The following CLDN10 variants were observed in gnomAD, a reference collection of about 807,000 sequenced individuals.
The protein encoded by CLDN10 is claudin 10, also known as claudin-10.
A neutral mutation model predicts 22.9 loss-of-function variants in CLDN10; 15 were observed. The observed-to-expected ratio is 0.65, with a 90% confidence interval of 0.44 to 1.01. CLDN10 has a LOEUF of 1.01. Among genes scored for constraint, CLDN10 ranks in the 50% least tolerant of loss-of-function variants. CLDN10 has a pLI of 0.00. For missense variants in CLDN10, 247 were observed against 287.8 expected (o/e 0.86, Z 1.03); for synonymous variants, 114 against 111.4 (o/e 1.02, Z -0.15).
At chr13:95,474,817 G>C (rs2042669353) in intron 1 of CLDN10, among the ~76,000 whole-genome samples, 1 of 152,164 alleles carries the variant, frequency 6.6e-6, no homozygotes. Context: ...TCATTCCAGG[G>C]GGTAGGGTGG....
chr13:95,529,467 G>C (rs1169191962), intron 1 of CLDN10, among the ~76,000 whole-genome samples: 1 of 152,078 alleles, frequency 6.6e-6, no homozygotes, highest in African/African-American at 2.4e-5. Flanking sequence ...TTATTAATAT[G>C]TTATTTTTTT....
Position 95,496,668 on chromosome 13 carries a change from G to A in CLDN10, c.214+62621G>A, listed in dbSNP as rs557316488. 5.1e-4 allele frequency among the ~76,000 whole-genome samples: 78 copies of A among 152,264 alleles called. No homozygotes were observed. In the South Asian group the frequency reaches 0.01, roughly 20 times the overall value. On this transcript the variant is annotated intron_variant, in intron 1 of 4. Coordinates refer to the CLDN10 transcript ENST00000376873. ...ACTGTGTGCTCATGTTCTGGAGAGTGACCCAGCCCTTGTCTCTTCCTCTTC... is the reference window on the plus strand; with the variant it reads ...ACTGTGTGCTCATGTTCTGGAGAGTAACCCAGCCCTTGTCTCTTCCTCTTC...
chr13:95,449,978 T>C (rs924300622), intron 1 of CLDN10, among the ~76,000 whole-genome samples: 6 of 151,632 alleles, frequency 4.0e-5, no homozygotes, highest in Admixed American at 3.3e-4. Flanking sequence ...CCCCTGACCT[T>C]GTGATCCGCC....
intron 1 of CLDN10, among the ~76,000 whole-genome samples, chr13:95,473,683 C>T (rs1164390209): frequency 6.6e-6 from 1 of 152,216 alleles, no homozygotes; most frequent in African/African-American, 2.4e-5. Flanking sequence ...GTGCCGTCCC[C>T]AGAGCTCTGA....
intron 1 of CLDN10, chr13:95,479,927 C>T (rs1337171322): frequency 2.6e-5 from 4 of 152,224 alleles, no homozygotes; most frequent in Non-Finnish European, 5.9e-5. Context: ...TCCAAGCTCC[C>T]CTAGTTCCTC....
chr13:95,474,468 G>A (rs570039947), intron 1 of CLDN10, among the ~76,000 whole-genome samples: 26 of 152,046 alleles, frequency 1.7e-4, no homozygotes, highest in African/African-American at 6.0e-4. Context: ...ATGGCCCAGG[G>A]GTTGGGGACC....
chr13:95,476,267 T>C (rs1286010612), intron 1 of CLDN10, among the ~76,000 whole-genome samples: 1 of 152,112 alleles, frequency 6.6e-6, no homozygotes, highest in Non-Finnish European at 1.5e-5. Context: ...ATGCCTTAGA[T>C]CGGGTAACTC....
chr13:95,474,137 T>C (rs780073318), intron 1 of CLDN10, among the ~76,000 whole-genome samples: 1 of 152,184 alleles, frequency 6.6e-6, no homozygotes, highest in Admixed American at 6.5e-5. Context: ...GTGGGAGCCC[T>C]GAGCTTGTTT....
intron 1 of CLDN10, among the ~76,000 whole-genome samples, chr13:95,514,493 G>A (rs145593195): frequency 4.4e-4 from 66 of 151,672 alleles, no homozygotes; most frequent in African/African-American, 1.5e-3. Flanking sequence ...GTAGAGGGTG[G>A]GTGATACCCT....
intron 1 of CLDN10, among the ~76,000 whole-genome samples, chr13:95,527,175 C>T (rs2043290530): frequency 6.6e-6 from 1 of 152,112 alleles, no homozygotes; most frequent in Non-Finnish European, 1.5e-5. Flanking sequence ...CTTGGTTTTC[C>T]TTATTGCCAA....
intron 1 of CLDN10, among the ~76,000 whole-genome samples, chr13:95,491,884 T>G (rs537177792): frequency 2.6e-5 from 4 of 152,294 alleles, no homozygotes; most frequent in South Asian, 2.1e-4. Flanking sequence ...ACCCCCCTTT[T>G]TCCTGTGGAT....
intron 1 of CLDN10, among the ~76,000 whole-genome samples, chr13:95,457,533 G>T (rs570540790): frequency 6.6e-6 from 1 of 152,156 alleles, no homozygotes; most frequent in East Asian, 1.9e-4. Flanking sequence ...GATGTAGGGG[G>T]ATTCCCTGTT....
chr13:95,570,616 C>G (rs1288853379), intron 3 of CLDN10, among the ~76,000 whole-genome samples: 1 of 151,868 alleles, frequency 6.6e-6, no homozygotes, highest in East Asian at 1.9e-4. Context: ...CAGCTCAGAT[C>G]CTGGCCCGGG....
At chr13:95,437,594 G>A (rs111385704) in intron 1 of CLDN10, among the ~76,000 whole-genome samples, 2 of 152,168 alleles carry the variant, frequency 1.3e-5, no homozygotes, top group African/African-American at 4.8e-5. Flanking sequence ...TTCCTGTCGT[G>A]CCCCTGGCAC....
At chr13:95,560,596 A>C in intron 3 of CLDN10, 133 bp downstream of exon 3, 3 of 687,470 alleles carry the variant, frequency 4.4e-6, no homozygotes, top group Non-Finnish European at 7.3e-6. Flanking sequence ...TGATGACATC[A>C]TTCAAGATTA....
chr13:95,546,585 T>C (rs1293617749), intron 1 of CLDN10, among the ~76,000 whole-genome samples: 1 of 152,160 alleles, frequency 6.6e-6, no homozygotes, highest in Non-Finnish European at 1.5e-5. Context: ...CTGAAATAAT[T>C]CATTTTAAAC....
intron 1 of CLDN10, among the ~76,000 whole-genome samples, chr13:95,521,846 A>G (rs1223214806): frequency 1.3e-5 from 2 of 152,020 alleles, no homozygotes; most frequent in African/African-American, 4.8e-5. Context: ...ATGAATTGTT[A>G]TAGGACTATT....
intron 1 of CLDN10, among the ~76,000 whole-genome samples, chr13:95,440,787 T>A (rs1481940579): frequency 6.6e-6 from 1 of 152,252 alleles, no homozygotes; most frequent in Non-Finnish European, 1.5e-5. Context: ...GTTGAGCCAC[T>A]GTATAATTGT....
chr13:95,479,001 C>T (rs1486892200), intron 1 of CLDN10, among the ~76,000 whole-genome samples: 1 of 152,190 alleles, frequency 6.6e-6, no homozygotes, highest in Non-Finnish European at 1.5e-5. Context: ...GGTTAAGTGC[C>T]TGTGAGAGCA....
Sources: allele counts gnomAD v4.1 joint callset (sites outside exome capture counted in the v4.1 genomes callset), GRCh38; gene constraint gnomAD v4.1.1; transcripts MANE v1.5; gene names NCBI Gene and HGNC (gene_info 2026-07-23, HGNC 2026-07-21).